Variants in NKAIN3 observed in about 807,000 individuals in gnomAD.
NKAIN3 encodes sodium/potassium transporting ATPase interacting 3, also known as sodium/potassium-transporting ATPase subunit beta-1-interacting protein 3.
Under a neutral mutation model 30.2 loss-of-function variants are expected in NKAIN3, and 25 were observed. The ratio of observed to expected loss-of-function variants is 0.83; its 90% CI spans 0.60 to 1.16. The LOEUF is 1.16. Among genes scored for constraint, NKAIN3 ranks in the 50% most tolerant of loss-of-function variants. The pLI is 0.00. For synonymous variants in NKAIN3, 91 were observed against 89.6 expected, an observed-to-expected ratio of 1.02 and a Z score of -0.09; for missense variants, 225 against 254.1, an observed-to-expected ratio of 0.89 and a Z score of 0.78.
intron 1 of NKAIN3, among the ~76,000 whole-genome samples, chr8:62,366,195 T>G (rs6472015): frequency 0.033 from 5,034 of 150,962 alleles, 319 homozygotes; most frequent in African/African-American, 0.12. Flanking sequence ...GTATAATTCT[T>G]TACAGCAGTC....
rs56081236 is a variant in NKAIN3, at chr8:62,990,156, T to G, written c.533-9075T>G. ...TTGATATTTTAAAAATCAACTTATT[T>G]TTTATTCTCAGATTCATGTGATCTG... On this transcript the variant is annotated intron_variant, in intron 5 of 5. Transcript: ENST00000519049. 232,837 of 1,189,950 alleles carry G rather than the reference T, an allele frequency of 0.2. 26,076 individuals carry two copies. Among genetic ancestry groups the G allele is most frequent in the African/African-American group, 0.4 (26,001 of 65,626 alleles). 73.7% of individuals were successfully genotyped at this position (1,189,950 alleles called of 1,614,324 possible). A position where few individuals can be genotyped will look rare whatever the true frequency, so the allele number is the denominator to read the frequency against.
At chr8:62,390,067 A>C (rs13249028) in intron 1 of NKAIN3, among the ~76,000 whole-genome samples, 63,715 of 151,868 alleles carry the variant, frequency 0.42, 15,629 homozygotes, top group Non-Finnish European at 0.54. Flanking sequence ...ATGTGTCGGC[A>C]TCCCTGTTAT....
intron 4 of NKAIN3, among the ~76,000 whole-genome samples, chr8:62,870,030 A>G (rs1224016024): frequency 6.6e-6 from 1 of 151,398 alleles, no homozygotes; most frequent in South Asian, 2.1e-4. Flanking sequence ...TCGGCCTCCC[A>G]AAGTGCTTGG....
chr8:62,656,357 A>G (rs1442184249), intron 3 of NKAIN3, among the ~76,000 whole-genome samples: 2 of 152,198 alleles, frequency 1.3e-5, no homozygotes, highest in Non-Finnish European at 2.9e-5. Context: ...TTAGCAAATT[A>G]AAGAAACAAA....
chr8:62,812,527 T>C (rs1563574624), intron 4 of NKAIN3, among the ~76,000 whole-genome samples: 3 of 151,858 alleles, frequency 2.0e-5, no homozygotes, highest in Non-Finnish European at 4.4e-5. Flanking sequence ...TTTTATAATT[T>C]ACAGCATAAA....
chr8:62,268,340 A>T (rs1812669852), intron 1 of NKAIN3, among the ~76,000 whole-genome samples: 1 of 152,144 alleles, frequency 6.6e-6, no homozygotes, highest in Non-Finnish European at 1.5e-5. Flanking sequence ...ACTTCTTTCC[A>T]TATCTAATTG....
In NKAIN3 at chr8:62,975,380, G is replaced by T. The variant is rs1051102857; in HGVS notation, c.*9973G>T. ...TATTCAGGGATTCAACTTCTTCCTG[G>T]GTTAGTCATGGTAGGGTGAATGTGT... is the stretch of plus-strand genomic sequence containing the variant. On this transcript the variant is annotated 3_prime_UTR_variant, in exon 7 of 7. Transcript: ENST00000623646. Among the ~76,000 whole-genome samples the T allele has an allele frequency of 5.9e-5, 9 of 151,954 alleles. No homozygotes were observed. The highest frequency in any genetic ancestry group is 1.3e-4 in the Admixed American group (2 of 15,252).
intron 1 of NKAIN3, among the ~76,000 whole-genome samples, chr8:62,551,687 A>G (rs1809217966): frequency 6.6e-6 from 1 of 152,360 alleles, no homozygotes; most frequent in African/African-American, 2.4e-5. Context: ...AAGCAGAGGT[A>G]TATCATTATA....
chr8:62,848,117 C>T (rs1819747630), intron 4 of NKAIN3, among the ~76,000 whole-genome samples: 1 of 152,070 alleles, frequency 6.6e-6, no homozygotes, highest in Admixed American at 6.6e-5. Context: ...AACATTATGC[C>T]TCCAGCTTTG....
intron 1 of NKAIN3, among the ~76,000 whole-genome samples, chr8:62,407,962 G>A (rs1161171458): frequency 1.3e-5 from 2 of 152,134 alleles, no homozygotes; most frequent in East Asian, 3.9e-4. Flanking sequence ...GGAGTTGGAG[G>A]CTGCAATGAG....
chr8:62,567,992 T>C (rs938264479), intron 1 of NKAIN3, among the ~76,000 whole-genome samples: 11 of 152,238 alleles, frequency 7.2e-5, no homozygotes, highest in African/African-American at 2.7e-4. Context: ...TACTGTTACC[T>C]GCTTTTGATA....
intron 4 of NKAIN3, among the ~76,000 whole-genome samples, chr8:62,764,773 G>C (rs116160252): frequency 0.01 from 1,547 of 152,246 alleles, 27 homozygotes; most frequent in African/African-American, 0.034. Flanking sequence ...ATGTCATACA[G>C]GTCAAAATCC....
At chr8:62,715,680 G>C (rs967666915) in intron 3 of NKAIN3, among the ~76,000 whole-genome samples, 1 of 152,186 alleles carries the variant, frequency 6.6e-6, no homozygotes, top group Non-Finnish European at 1.5e-5. Context: ...TCATTGTTAC[G>C]TTATTGTGAC....
intron 4 of NKAIN3, among the ~76,000 whole-genome samples, chr8:62,867,593 T>C (rs1312211000): frequency 1.3e-5 from 2 of 152,162 alleles, no homozygotes; most frequent in Non-Finnish European, 2.9e-5. Context: ...CCTCCACTCA[T>C]CCATGACTGC....
intron 3 of NKAIN3, among the ~76,000 whole-genome samples, chr8:62,655,000 A>G (rs977898291): frequency 2.0e-5 from 3 of 152,186 alleles, no homozygotes; most frequent in Non-Finnish European, 2.9e-5. Context: ...AGGGCTCTAT[A>G]TTCATAGTCA....
At chr8:62,757,910 C>T (rs1403249747) in intron 4 of NKAIN3, among the ~76,000 whole-genome samples, 1 of 152,134 alleles carries the variant, frequency 6.6e-6, no homozygotes, top group Non-Finnish European at 1.5e-5. Flanking sequence ...AGTTTGTAAA[C>T]AGGTGACATA....
At chr8:62,438,196 C>T (rs1805226555) in intron 1 of NKAIN3, among the ~76,000 whole-genome samples, 1 of 152,206 alleles carries the variant, frequency 6.6e-6, no homozygotes, top group South Asian at 2.1e-4. Context: ...CTCGTCCCTT[C>T]CTATCAGCCT....
chr8:62,705,615 G>A (rs1814493369), intron 3 of NKAIN3, among the ~76,000 whole-genome samples: 4 of 152,064 alleles, frequency 2.6e-5, no homozygotes, highest in South Asian at 2.1e-4. Context: ...ATTCTGGACT[G>A]TTCTTCTATT....
rs1277683143 is a variant in NKAIN3 at position 62,328,573 on chromosome 8, A to G, written c.54+79446A>G. Among the ~76,000 whole-genome samples, 3 of 152,054 alleles carry G rather than the reference A, an allele frequency of 2.0e-5. No individual in the cohort carries two copies. The East Asian group carries it at 5.8e-4, about 29-fold the overall frequency. On this transcript the variant is annotated intron_variant, in intron 1 of 6. Transcript: ENST00000623646. Reference sequence around the variant, plus strand: ...AGACAGAACCATATGCCACTAAACCAATCCTCATTGCACCAGATGTCTTAT... The same window carrying G: ...AGACAGAACCATATGCCACTAAACCGATCCTCATTGCACCAGATGTCTTAT...
Sources: gnomAD v4.1 joint callset for allele counts (sites outside exome capture counted in the v4.1 genomes callset) on GRCh38, gnomAD v4.1.1 for gene constraint, MANE v1.5 for transcripts, NCBI Gene and HGNC (gene_info 2026-07-23, HGNC 2026-07-21) for gene names.